The following SH3GL2 variants were observed in gnomAD, a reference collection of about 807,000 sequenced individuals.
SH3GL2 encodes the protein SH3 domain containing GRB2 like 2, endophilin A1.
SH3GL2 carries 24 observed loss-of-function variants against 46.0 expected under a neutral mutation model. The observed-to-expected ratio is 0.52, with a 90% CI of 0.38 to 0.73. The LOEUF (loss-of-function observed/expected upper bound fraction) is 0.73. SH3GL2 is among the 30% of genes least tolerant of loss of function. SH3GL2 has a pLI of 0.00. For synonymous variants in SH3GL2, 196 were observed against 147.1 expected (o/e 1.33, Z -2.40); for missense variants, 413 against 424.2 (o/e 0.97, Z 0.23).
intron 1 of SH3GL2, among the ~76,000 whole-genome samples, chr9:17,704,345 T>C (rs1367619091): frequency 6.6e-6 from 1 of 152,102 alleles, no homozygotes; most frequent in African/African-American, 2.4e-5. Context: ...GAATCAATAT[T>C]GTTAAAACAG....
chr9:17,593,433 A>G (rs929275131), intron 1 of SH3GL2, among the ~76,000 whole-genome samples: 2 of 151,800 alleles, frequency 1.3e-5, no homozygotes, highest in African/African-American at 4.8e-5. Context: ...GGTTGCTGGT[A>G]GGGAGAAATC....
chr9:17,684,583 A>T (rs1588237231), intron 1 of SH3GL2, among the ~76,000 whole-genome samples: 1 of 152,136 alleles, frequency 6.6e-6, no homozygotes, highest in East Asian at 1.9e-4. Flanking sequence ...AGTTTTCCCA[A>T]ACTAATGACA....
chr9:17,603,192 T>C (rs1818700706), intron 1 of SH3GL2, among the ~76,000 whole-genome samples: 2 of 152,206 alleles, frequency 1.3e-5, no homozygotes, highest in African/African-American at 4.8e-5. Context: ...TTTGGATCAA[T>C]TTGTCTTATT....
At position 17,789,880 on chromosome 9, in the gene SH3GL2, A is replaced by C. The variant is rs112230437; in HGVS notation, c.624+330A>C. On this transcript the variant is annotated intron_variant, in intron 6 of 8. Transcript: ENST00000380607. Reference sequence around the variant, plus strand: ...TAAAAGTAAAAAACAGAATGGTTGTAAGGGTACTTGAGGTATGGTTTCTAC... The same window carrying C: ...TAAAAGTAAAAAACAGAATGGTTGTCAGGGTACTTGAGGTATGGTTTCTAC... 905 of 560,304 alleles carry C rather than the reference A, an allele frequency of 1.6e-3. 9 individuals are homozygous for C. The African/African-American group carries it at 0.018, about 11-fold the overall frequency. 34.7% of individuals were successfully genotyped at this position (560,304 alleles called of 1,614,324 possible). A position where few individuals can be genotyped will look rare whatever the true frequency, so the allele number is the denominator to read the frequency against.
At chr9:17,747,213 AGGGCAACTGTTTTCCACTGGTCTCT>A in intron 2 of SH3GL2, 79 bp downstream of exon 2, 1 of 837,736 alleles carries the variant, frequency 1.2e-6, no homozygotes, top group Admixed American at 2.3e-5. Context: ...AAAACGGGAG[AGGGCAACTGTTTTCCACTGGTCTCT>A]GAGAATACTA....
At chr9:17,602,381 T>C (rs1352719050) in intron 1 of SH3GL2, among the ~76,000 whole-genome samples, 1 of 152,182 alleles carries the variant, frequency 6.6e-6, no homozygotes, top group African/African-American at 2.4e-5. Context: ...TAATTGTTGT[T>C]TTCTGAGCTC....
chr9:17,715,479 A>G (rs143592515), intron 1 of SH3GL2, among the ~76,000 whole-genome samples: 1 of 151,816 alleles, frequency 6.6e-6, no homozygotes, highest in African/African-American at 2.4e-5. Context: ...ATTGTCCTAT[A>G]TCTCACTGAT....
At chr9:17,793,333 C>T (rs1352485506) in intron 7 of SH3GL2, 34 bp from the exon 8 acceptor site, 2 of 1,590,396 alleles carry the variant, frequency 1.3e-6, no homozygotes, top group East Asian at 2.3e-5. Flanking sequence ...TAACTGGTTA[C>T]ATAACCTTTC....
chr9:17,785,763 C>T (rs1464290513), intron 3 of SH3GL2, among the ~76,000 whole-genome samples: 1 of 152,132 alleles, frequency 6.6e-6, no homozygotes, highest in Non-Finnish European at 1.5e-5. Flanking sequence ...AACTAATTTT[C>T]TCTAGTTATG....
At chr9:17,763,430 G>A (rs1162155895) in intron 3 of SH3GL2, among the ~76,000 whole-genome samples, 1 of 152,180 alleles carries the variant, frequency 6.6e-6, no homozygotes, top group Non-Finnish European at 1.5e-5. Flanking sequence ...AGTGATGGGT[G>A]TCCTTATGAG....
At chr9:17,710,600 T>A (rs956935942) in intron 1 of SH3GL2, among the ~76,000 whole-genome samples, 3 of 151,944 alleles carry the variant, frequency 2.0e-5, no homozygotes, top group African/African-American at 7.2e-5. Flanking sequence ...TATTTGTACA[T>A]CCATGTTCAC....
chr9:17,738,920 T>A (rs74478049), intron 1 of SH3GL2, among the ~76,000 whole-genome samples: 3,902 of 152,206 alleles, frequency 0.026, 167 homozygotes, highest in African/African-American at 0.087. Context: ...ATGTTAACCA[T>A]TTTCACAAAA....
At chr9:17,674,893 C>A (rs1012778125) in intron 1 of SH3GL2, among the ~76,000 whole-genome samples, 3 of 152,088 alleles carry the variant, frequency 2.0e-5, no homozygotes, top group Non-Finnish European at 4.4e-5. Context: ...AGTGGCAGTT[C>A]ATTAACATTG....
At chr9:17,689,094 A>G (rs1322978708) in intron 1 of SH3GL2, among the ~76,000 whole-genome samples, 1 of 152,054 alleles carries the variant, frequency 6.6e-6, no homozygotes, top group African/African-American at 2.4e-5. Context: ...TGTTCCCTTA[A>G]TATGATGTGA....
At chr9:17,617,764 A>G (rs1819038228) in intron 1 of SH3GL2, among the ~76,000 whole-genome samples, 1 of 152,172 alleles carries the variant, frequency 6.6e-6, no homozygotes, top group Admixed American at 6.5e-5. Flanking sequence ...GTCTTGACAT[A>G]TGTAGCTTGT....
At chr9:17,792,631 C>T (rs1462922446) in intron 7 of SH3GL2, among the ~76,000 whole-genome samples, 2 of 152,138 alleles carry the variant, frequency 1.3e-5, no homozygotes, top group Admixed American at 6.5e-5. Context: ...ATATTTCCTC[C>T]TTCCCTCTGT....
intron 1 of SH3GL2, among the ~76,000 whole-genome samples, chr9:17,726,799 G>A (rs1822030869): frequency 6.6e-6 from 1 of 152,142 alleles, no homozygotes; most frequent in Non-Finnish European, 1.5e-5. Context: ...TAAAAAGTCT[G>A]ACAAAGTATT....
chr9:17,768,628 C>G (rs2131161316), intron 3 of SH3GL2, among the ~76,000 whole-genome samples: 1 of 152,106 alleles, frequency 6.6e-6, no homozygotes, highest in South Asian at 2.1e-4. Context: ...TTCTTCAATT[C>G]CTCAAGTTCT....
At position 17,632,093 on chromosome 9, in the gene SH3GL2, G is replaced by T. The variant is rs181895670; in HGVS notation, c.45+52806G>T. ...AAACATAATTTCCTCAATACATTTTGGGGGAAAAATCAATAATTAGTGTTA... is the reference window on the plus strand; with the variant it reads ...AAACATAATTTCCTCAATACATTTTTGGGGAAAAATCAATAATTAGTGTTA... On this transcript the variant is annotated intron_variant, in intron 1 of 8. Coordinates refer to ENST00000380607, the MANE Select transcript of SH3GL2 (RefSeq NM_003026.5). 3.9e-3 allele frequency among the ~76,000 whole-genome samples: 587 copies of T among 152,114 alleles called. 2 individuals are homozygous for T. Among genetic ancestry groups the T allele is most frequent in the Non-Finnish European group, 5.9e-3 (400 of 67,980 alleles).
Sources: allele counts gnomAD v4.1 joint callset (sites outside exome capture counted in the v4.1 genomes callset), GRCh38; gene constraint gnomAD v4.1.1; transcripts MANE v1.5; gene names NCBI Gene and HGNC (gene_info 2026-07-23, HGNC 2026-07-21).